GK5: variants seen among roughly 807,000 people sequenced by gnomAD.
GK5 encodes the protein glycerol kinase 5, also known as ATP:glycerol 3-phosphotransferase 5.
Under a neutral mutation model 77.3 loss-of-function variants are expected in GK5, and 39 were observed. That is an observed-to-expected ratio of 0.50 (90% CI 0.39 to 0.66). The LOEUF (loss-of-function observed/expected upper bound fraction) is 0.66, where lower values mean the gene tolerates loss of function less well. Ranked by LOEUF, GK5 falls within the 30% of genes least tolerant of loss-of-function variation. The pLI, the probability that GK5 is intolerant of heterozygous loss-of-function variation, is 0.00. For synonymous variants in GK5, 211 were observed against 208.0 expected, an observed-to-expected ratio of 1.01 and a Z score of -0.13; for missense variants, 487 against 633.8, an observed-to-expected ratio of 0.77 and a Z score of 2.49.
rs67754553 is a variant in GK5, at chr3:142,161,091, GT to G, written c.*4530del. ...AGAGTAGTTCTTCTTTTGTTTTTTTGTTTTTGTTTTTGTTTTTGTTTTTTTG... is the reference window on the plus strand; with the variant it reads ...AGAGTAGTTCTTCTTTTGTTTTTTTGTTTTGTTTTTGTTTTTGTTTTTTTG... On this transcript the variant is annotated 3_prime_UTR_variant, in exon 16 of 16. Coordinates refer to ENST00000392993, the MANE Select transcript of GK5 (RefSeq NM_001039547.3). 2.6e-5 allele frequency: 3 copies of G among 115,410 alleles called. No individual in the cohort carries two copies. Among genetic ancestry groups the G allele is most frequent in the African/African-American group, 5.4e-5 (2 of 37,330 alleles). The allele number at this position is 115,410 out of a possible 1,614,324, so 7.1% of individuals were successfully genotyped here. A position where few individuals can be genotyped will look rare whatever the true frequency, so the allele number is the denominator to read the frequency against.
intron 1 of GK5, among the ~76,000 whole-genome samples, chr3:142,222,337 G>A (rs201446627): frequency 2.0e-5 from 3 of 152,036 alleles, no homozygotes; most frequent in Non-Finnish European, 4.4e-5. Flanking sequence ...AGGCCGAGGC[G>A]GGTGGATCAC....
At chr3:142,211,228 G>A (rs2064184494) in intron 3 of GK5, among the ~76,000 whole-genome samples, 1 of 152,230 alleles carries the variant, frequency 6.6e-6, no homozygotes, top group Admixed American at 6.5e-5. Flanking sequence ...CTAGTGGGTA[G>A]AGGCCAGGGA....
intron 12 of GK5, among the ~76,000 whole-genome samples, chr3:142,174,528 G>A (rs2063582137): frequency 6.6e-6 from 1 of 152,016 alleles, no homozygotes; most frequent in Non-Finnish European, 1.5e-5. Flanking sequence ...TGCTTTAACT[G>A]GCCTGAAATC....
At chr3:142,222,258 G>GC (rs1553841385) in intron 1 of GK5, among the ~76,000 whole-genome samples, 2 of 152,248 alleles carry the variant, frequency 1.3e-5, no homozygotes, top group African/African-American at 4.8e-5. Context: ...GTTGCTAATT[G>GC]TTTTTTTAAA....
At chr3:142,223,621 C>G (rs1404092233) in intron 1 of GK5, among the ~76,000 whole-genome samples, 1 of 152,162 alleles carries the variant, frequency 6.6e-6, no homozygotes. Flanking sequence ...GGCGGTTCAC[C>G]TGAGGTCAAG....
intron 5 of GK5, among the ~76,000 whole-genome samples, chr3:142,192,922 T>A (rs1218568589): frequency 1.3e-5 from 2 of 152,142 alleles, no homozygotes; most frequent in African/African-American, 2.4e-5. Flanking sequence ...GTAAAGTCTA[T>A]ATACTATATG....
intron 12 of GK5, among the ~76,000 whole-genome samples, chr3:142,176,489 T>C (rs2063611931): frequency 6.6e-6 from 1 of 152,006 alleles, no homozygotes; most frequent in Non-Finnish European, 1.5e-5. Flanking sequence ...ACTTGAAAAG[T>C]TGTTTTAAAA....
At chr3:142,214,837 G>T (rs1038421656) in intron 2 of GK5, among the ~76,000 whole-genome samples, 3 of 152,112 alleles carry the variant, frequency 2.0e-5, no homozygotes, top group African/African-American at 7.2e-5. Context: ...GTGGTTATAG[G>T]AGAAAATACT....
intron 1 of GK5, among the ~76,000 whole-genome samples, chr3:142,219,100 T>TA (rs772130065): frequency 1.8e-4 from 27 of 152,236 alleles, no homozygotes; most frequent in Non-Finnish European, 3.4e-4. Flanking sequence ...GGAACTCTGA[T>TA]ACATTGTTGA....
intron 12 of GK5, among the ~76,000 whole-genome samples, chr3:142,173,967 G>A (rs1299060750): frequency 2.6e-5 from 4 of 152,094 alleles, no homozygotes; most frequent in Non-Finnish European, 4.4e-5. Context: ...ATCTTGGTTT[G>A]GCTTCCTCAG....
At chr3:142,176,658 A>ATTTTTTTT (rs1219207632) in intron 12 of GK5, among the ~76,000 whole-genome samples, 32 of 105,180 alleles carry the variant, frequency 3.0e-4, no homozygotes, top group Non-Finnish European at 3.8e-4. Flanking sequence ...GGAGATTTTG[A>ATTTTTTTT]TTTTTTTTTT....
rs1017252252 is a variant in GK5, at chr3:142,162,822, C to G, written c.*2800G>C. 10 of 151,924 alleles carry G rather than the reference C, an allele frequency of 6.6e-5. No individual in the cohort carries two copies. The highest frequency in any genetic ancestry group is 2.4e-4 in the African/African-American group (10 of 41,338). 9.4% of individuals were successfully genotyped at this position (151,924 alleles called of 1,614,324 possible). On this transcript the variant is annotated 3_prime_UTR_variant, in exon 16 of 16. Transcript: ENST00000392993. The stretch of plus-strand genomic sequence containing the variant: ...ACCAGCCTGGCCAACATGGTAAAAC[C>G]CTGTCTCTACTAAAAATACAAAAAT...
In GK5 at chr3:142,170,465, G is replaced by C. The variant is rs746316625; in HGVS notation, c.1308-7C>G. 2 of 1,593,762 alleles carry C rather than the reference G, an allele frequency of 1.3e-6. No homozygotes were observed. The highest frequency in any genetic ancestry group is 1.7e-6 in the Non-Finnish European group (2 of 1,166,840). ...ACAAACTCCTCCATCTGCCCTGTGG[G>C]GAACAAAATATGTAAGATGAATTAC... is the stretch of plus-strand genomic sequence containing the variant. On this transcript the variant is annotated splice_polypyrimidine_tract_variant and splice_region_variant and intron_variant, in intron 14 of 15. Coordinates refer to ENST00000392993, the MANE Select transcript of GK5 (RefSeq NM_001039547.3).
In GK5 at chr3:142,181,480, T is replaced by G; in HGVS notation, c.1029A>C (p.Ile343=). 6.2e-7 allele frequency: 1 copy of G among 1,610,268 alleles called. No homozygotes were observed. ...ACTTACCTAACTGCTGAGCCCATTT[T>G]ATGGCAGTACCAGTGTCTCCTGCAT... ...ESNAGDTGTA[I]KWAQQLDLFT... Residue 343 remains isoleucine (I), a synonymous_variant, in exon 11 of 16, where the codon ATA becomes ATC. Coordinates refer to ENST00000392993, the MANE Select transcript of GK5 (RefSeq NM_001039547.3).
At chr3:142,211,676 C>A (rs1297514998) in intron 3 of GK5, among the ~76,000 whole-genome samples, 4 of 152,158 alleles carry the variant, frequency 2.6e-5, no homozygotes, top group Non-Finnish European at 5.9e-5. Context: ...CACCTATAGT[C>A]CTAGCTACTT....
chr3:142,163,813 C>T lies in GK5; in HGVS notation c.*1809G>A, dbSNP rs6440063. 67,678 of 151,498 alleles carry T rather than the reference C, an allele frequency of 0.45. 16,393 individuals carry two copies. Among genetic ancestry groups the T allele is most frequent in the African/African-American group, 0.63 (25,931 of 41,288 alleles). 9.4% of individuals were successfully genotyped at this position (151,498 alleles called of 1,614,324 possible). On this transcript the variant is annotated 3_prime_UTR_variant, in exon 16 of 16. Transcript: ENST00000392993. The stretch of plus-strand genomic sequence containing the variant: ...GAATTAAAGACTACCCTGGGCAACA[C>T]AGCAAGACCCTGTCTCTACAAAAAA...
intron 1 of GK5, 52 bp from the exon 2 acceptor site, chr3:142,215,744 T>C (rs746041409): frequency 3.6e-6 from 3 of 830,904 alleles, no homozygotes; most frequent in Admixed American, 4.3e-5. Flanking sequence ...AAGTCAATAG[T>C]ATGGGTCTTT....
rs1039926357 is a variant in GK5 at position 142,158,155 on chromosome 3, G to T, written c.*7467C>A. The T allele has an allele frequency of 6.6e-6, 1 of 152,276 alleles. No homozygotes were observed. The highest frequency in any genetic ancestry group is 1.5e-5 in the Non-Finnish European group (1 of 68,182). 9.4% of individuals were successfully genotyped at this position (152,276 alleles called of 1,614,324 possible). On this transcript the variant is annotated 3_prime_UTR_variant, in exon 16 of 16. Coordinates refer to ENST00000392993, the MANE Select transcript of GK5 (RefSeq NM_001039547.3). ...TTTAGTAGAGACAGGGTTTCACCAT[G>T]TTAGCCAGGATGGTCTCGATCTCCT...
intron 12 of GK5, among the ~76,000 whole-genome samples, chr3:142,176,569 T>C (rs2063612954): frequency 6.6e-6 from 1 of 151,972 alleles, no homozygotes. Flanking sequence ...AAGTTAAATG[T>C]TACAAAATCA....
Sources: allele counts gnomAD v4.1 joint callset (sites outside exome capture counted in the v4.1 genomes callset), GRCh38; gene constraint gnomAD v4.1.1; transcripts MANE v1.5; gene names NCBI Gene and HGNC (gene_info 2026-07-23, HGNC 2026-07-21).